DDX4: variants seen among roughly 807,000 people sequenced by gnomAD.
DDX4 encodes the protein DEAD-box helicase 4.
A neutral mutation model predicts 100.0 loss-of-function variants in DDX4; 25 were observed. The ratio of observed to expected loss-of-function variants is 0.25; its 90% CI spans 0.18 to 0.35. The LOEUF (loss-of-function observed/expected upper bound fraction) is 0.35, where lower values mean the gene tolerates loss of function less well. Ranked by LOEUF, DDX4 falls within the 10% of genes least tolerant of loss-of-function variation. The pLI, the probability that DDX4 is intolerant of heterozygous loss-of-function variation, is 1.00. For synonymous variants in DDX4, 259 were observed against 275.7 expected (o/e 0.94, Z 0.60); for missense variants, 635 against 882.4 (o/e 0.72, Z 3.55).
At chr5:55,813,546 G>T in intron 18 of DDX4, 127 bp from the exon 19 acceptor site, 1 of 1,283,012 alleles carries the variant, frequency 7.8e-7, no homozygotes, top group Non-Finnish European at 1.0e-6. Flanking sequence ...ACCAGGCTTG[G>T]CTGTGGTGCT....
intron 3 of DDX4, among the ~76,000 whole-genome samples, chr5:55,746,509 G>A (rs1759257249): frequency 6.6e-6 from 1 of 151,972 alleles, no homozygotes; most frequent in Non-Finnish European, 1.5e-5. Context: ...ATCATCATCA[G>A]GGTTCCTGAC....
chr5:55,797,718 CT>C (rs1471513532), intron 17 of DDX4, among the ~76,000 whole-genome samples: 1 of 152,198 alleles, frequency 6.6e-6, no homozygotes, highest in African/African-American at 2.4e-5. Context: ...GTCCACTCCC[CT>C]ATATTTCTAT....
chr5:55,796,843 T>C (rs1561510402), intron 17 of DDX4, among the ~76,000 whole-genome samples: 1 of 105,262 alleles, frequency 9.5e-6, no homozygotes, highest in African/African-American at 3.7e-5. Flanking sequence ...TTTTTTTTTT[T>C]TTTTTTTTTT....
chr5:55,767,823 A>C, intron 6 of DDX4, 58 bp from the exon 7 acceptor site: 4 of 1,299,164 alleles, frequency 3.1e-6, no homozygotes, highest in African/African-American at 2.9e-5. Flanking sequence ...GCTATTCTTT[A>C]TATATTGCAT....
intron 2 of DDX4, chr5:55,742,207 C>T (rs1464422763): frequency 1.3e-5 from 6 of 456,074 alleles, no homozygotes; most frequent in South Asian, 6.2e-5. Flanking sequence ...GGCATTTGCA[C>T]GTTGCCTGCA....
At chr5:55,745,389 T>G (rs764614192) in intron 2 of DDX4, among the ~76,000 whole-genome samples, 1 of 152,130 alleles carries the variant, frequency 6.6e-6, no homozygotes, top group African/African-American at 2.4e-5. Context: ...CATGTATTAC[T>G]TGTCAGATTT....
intron 8 of DDX4, among the ~76,000 whole-genome samples, chr5:55,780,329 G>A (rs1741830968): frequency 6.6e-6 from 1 of 152,136 alleles, no homozygotes; most frequent in African/African-American, 2.4e-5. Flanking sequence ...CATTGTTTTA[G>A]AGCTTTGATA....
At chr5:55,765,247 C>T (rs528674870) in intron 6 of DDX4, among the ~76,000 whole-genome samples, 1 of 151,742 alleles carries the variant, frequency 6.6e-6, no homozygotes, top group African/African-American at 2.4e-5. Context: ...GACCTTTCTA[C>T]CTACTTGACC....
rs760157665 is a variant in DDX4 at position 55,801,215 on chromosome 5, GT to G, written c.1615+2662del. Among the ~76,000 whole-genome samples the G allele has an allele frequency of 9.3e-3, 966 of 103,482 alleles. 5 individuals carry two copies. Among genetic ancestry groups the G allele is most frequent in the Middle Eastern group, 0.032 (6 of 186 alleles). 67.9% of individuals were successfully genotyped at this position (103,482 alleles called of 152,430 possible). A position where few individuals can be genotyped will look rare whatever the true frequency, so the allele number is the denominator to read the frequency against. ...AACCTTTCTTAAAACATGATGGGGTGTTTTTTTTTTTTTTTTTTGCGATTAA... is the reference window on the plus strand; with the variant it reads ...AACCTTTCTTAAAACATGATGGGGTGTTTTTTTTTTTTTTTTTGCGATTAA... On this transcript the variant is annotated intron_variant, in intron 18 of 21. Coordinates refer to ENST00000505374, the MANE Select transcript of DDX4 (RefSeq NM_024415.3).
chr5:55,807,755 A>G (rs1038719170), intron 18 of DDX4, among the ~76,000 whole-genome samples: 2 of 151,836 alleles, frequency 1.3e-5, no homozygotes, highest in Non-Finnish European at 2.9e-5. Context: ...TGCCCTTAAC[A>G]TTTTTTCCTT....
In DDX4 at chr5:55,783,437, C is replaced by T. The variant is rs1580568005; in HGVS notation, c.625+1456C>T. 2.6e-5 allele frequency among the ~76,000 whole-genome samples: 4 copies of T among 151,550 alleles called. No individual in the cohort carries two copies. The South Asian group carries it at 8.4e-4, about 32-fold the overall frequency. ...TTTTGAATCTAATGCAGTCATAGTA[C>T]CTAAAAGTGGAACAACAGATTACTC... On this transcript the variant is annotated intron_variant, in intron 10 of 21. Transcript: ENST00000505374.
chr5:55,740,439 T>G (rs993160285), intron 2 of DDX4, among the ~76,000 whole-genome samples: 1 of 151,998 alleles, frequency 6.6e-6, no homozygotes, highest in African/African-American at 2.4e-5. Flanking sequence ...AATGCTGGAT[T>G]ACAGTCATGA....
In DDX4 at chr5:55,753,489, C is replaced by A. The variant is rs536859377; in HGVS notation, c.128-6711C>A. Among the ~76,000 whole-genome samples, 17 of 152,140 alleles carry A rather than the reference C, an allele frequency of 1.1e-4. No homozygotes were observed. In the East Asian group the frequency reaches 3.3e-3, roughly 30 times the overall value. On this transcript the variant is annotated intron_variant, in intron 3 of 21. Transcript: ENST00000505374. The stretch of plus-strand genomic sequence containing the variant: ...CAAAGATCAGATAGTTGTAGATATG[C>A]TGCGTTATTTCTGAGGGCTCTGTTC...
intron 18 of DDX4, among the ~76,000 whole-genome samples, chr5:55,807,919 A>G (rs187074918): frequency 1.1e-4 from 17 of 152,316 alleles, no homozygotes; most frequent in Admixed American, 5.9e-4. Flanking sequence ...GTGTTTTCCA[A>G]CTTTCTTCCA....
At chr5:55,747,268 C>G (rs929110553) in intron 3 of DDX4, among the ~76,000 whole-genome samples, 1 of 152,178 alleles carries the variant, frequency 6.6e-6, no homozygotes, top group East Asian at 1.9e-4. Flanking sequence ...GTCCCAGCCA[C>G]TCGGAAGGCT....
intron 17 of DDX4, among the ~76,000 whole-genome samples, chr5:55,793,023 AGTGTGTGTGTGT>A (rs10551567): frequency 6.9e-5 from 10 of 144,662 alleles, no homozygotes; most frequent in African/African-American, 1.8e-4. Flanking sequence ...TTATTTAAAA[AGTGTGTGTGTGT>A]GTGTGTGTGT....
chr5:55,785,511 G>A lies in DDX4; in HGVS notation c.721+17G>A. The A allele has an allele frequency of 6.4e-7, 1 of 1,557,682 alleles. No individual in the cohort carries two copies. The highest frequency in any genetic ancestry group is 8.8e-7 in the Non-Finnish European group (1 of 1,137,044). On this transcript the variant is annotated intron_variant, in intron 12 of 21. Coordinates refer to ENST00000505374, the MANE Select transcript of DDX4 (RefSeq NM_024415.3). ...ATACTCAAGGTATATTAACATTTGT[G>A]TGACTCACATAGAAGTATGTTGTGT...
In DDX4 at chr5:55,785,770, G is replaced by A; in HGVS notation, c.763G>A (p.Glu255Lys). The change falls in exon 13 of 22, where the codon GAG becomes AAG. Residue 255 changes from glutamate to lysine, a missense_variant. Physicochemically the swap from Glu to Lys is moderately conservative, Grantham distance 56 (BLOSUM62 1). This residue lies in a region of DDX4 where 446 missense variants were observed against 540.8 expected (regional missense o/e 0.82). Coordinates refer to ENST00000505374, the MANE Select transcript of DDX4 (RefSeq NM_024415.3). ...CATACCCCCTCCTCCACCTGAGGAT[G>A]AGGACTCCATCTTTGCACATTATCA... ...TYIPPPPPED[E>K]DSIFAHYQTG... 6.2e-7 allele frequency: 1 copy of A among 1,611,874 alleles called. No homozygotes were observed. The highest frequency in any genetic ancestry group is 2.2e-5 in the East Asian group (1 of 44,858).
rs1311662230 is a variant in DDX4, at chr5:55,812,521, G to A, written c.1616-1152G>A. ...GGAGGTTGCAGTGAGCCGAGATTGT[G>A]CCACTGCACTCCAGCAAGCCGAGAT... On this transcript the variant is annotated intron_variant, in intron 18 of 21. Transcript: ENST00000505374. 6.6e-5 allele frequency among the ~76,000 whole-genome samples: 8 copies of A among 121,032 alleles called. No individual in the cohort carries two copies. The East Asian group carries it at 1.6e-3, about 24-fold the overall frequency. 79.4% of individuals were successfully genotyped at this position (121,032 alleles called of 152,430 possible).
Sources: allele counts gnomAD v4.1 joint callset (sites outside exome capture counted in the v4.1 genomes callset), GRCh38; gene constraint gnomAD v4.1.1; regional missense constraint gnomAD v4.1.1; transcripts MANE v1.5; gene names NCBI Gene and HGNC (gene_info 2026-07-23, HGNC 2026-07-21).